Variants in LIG1 observed in about 807,000 individuals in gnomAD.
LIG1 encodes the protein DNA ligase 1.
LIG1 carries 70 observed loss-of-function variants against 115.7 expected under a neutral mutation model. That is an observed-to-expected ratio of 0.60 (90% CI 0.50 to 0.74). The LOEUF (loss-of-function observed/expected upper bound fraction) is 0.74. Ranked by LOEUF, LIG1 falls within the 30% of genes least tolerant of loss-of-function variation. The pLI is 0.00. For synonymous variants in LIG1, 487 were observed against 495.3 expected (o/e 0.98, Z 0.22); for missense variants, 1,115 against 1,225.6 (o/e 0.91, Z 1.35).
intron 24 of LIG1, among the ~76,000 whole-genome samples, chr19:48,119,992 TGA>T (rs1346380737): frequency 6.6e-6 from 1 of 152,246 alleles, no homozygotes; most frequent in Admixed American, 6.5e-5. Context: ...CCTTTTGCAT[TGA>T]GAGTCTTAAG....
At chr19:48,149,680 G>A in intron 9 of LIG1, 83 bp downstream of exon 9, 1 of 1,076,578 alleles carries the variant, frequency 9.3e-7, no homozygotes, top group Admixed American at 1.9e-5. Flanking sequence ...AGAGGAGGAA[G>A]CCTGAGCTGG....
At chr19:48,117,308 C>T (rs539772243) in intron 26 of LIG1, among the ~76,000 whole-genome samples, 3 of 150,930 alleles carry the variant, frequency 2.0e-5, no homozygotes, top group African/African-American at 4.9e-5. Flanking sequence ...TACAGGCACC[C>T]GCCATCACAC....
At chr19:48,121,862 C>G (rs1002997050) in intron 23 of LIG1, among the ~76,000 whole-genome samples, 1 of 152,178 alleles carries the variant, frequency 6.6e-6, no homozygotes, top group Admixed American at 6.5e-5. Flanking sequence ...GATGGGACCT[C>G]AGGAGTCAGC....
chr19:48,120,206 A>G (rs1480915620), intron 24 of LIG1: 8 of 985,482 alleles, frequency 8.1e-6, no homozygotes, highest in Non-Finnish European at 8.4e-6. Context: ...CCACACAGCC[A>G]CGGGGAGCTG....
chr19:48,135,557 G>T, intron 16 of LIG1, 123 bp downstream of exon 16: 1 of 811,916 alleles, frequency 1.2e-6, no homozygotes, highest in South Asian at 1.3e-5. Flanking sequence ...GTCACCCCGT[G>T]ACCGGCACTC....
chr19:48,150,258 A>C, intron 7 of LIG1, 48 bp from the exon 8 acceptor site: 1 of 1,609,868 alleles, frequency 6.2e-7, no homozygotes. Context: ...TGACCCTGAG[A>C]CTTTTTTTTT....
intron 22 of LIG1, 59 bp from the exon 23 acceptor site, chr19:48,123,075 G>A: frequency 6.2e-7 from 1 of 1,611,622 alleles, no homozygotes; most frequent in Non-Finnish European, 8.5e-7. Flanking sequence ...CGCCGGAGCA[G>A]GCAGGATTCT....
chr19:48,135,800 G>A (rs371733190), intron 15 of LIG1, 21 bp from the exon 16 acceptor site: 6 of 1,592,050 alleles, frequency 3.8e-6, no homozygotes, highest in Non-Finnish European at 5.2e-6. Flanking sequence ...ACCCACCAGA[G>A]GCTTTGGAAG....
At chr19:48,121,365 A>C in intron 23 of LIG1, 43 bp from the exon 24 acceptor site, 2 of 1,542,056 alleles carry the variant, frequency 1.3e-6, no homozygotes, top group Non-Finnish European at 1.8e-6. Context: ...GGAGCGCCCA[A>C]GGCGGGGCCC....
intron 20 of LIG1, 72 bp downstream of exon 20, chr19:48,127,838 A>T: frequency 7.9e-7 from 1 of 1,260,846 alleles, no homozygotes; most frequent in East Asian, 2.3e-5. Flanking sequence ...ACTGGGCAGG[A>T]CCCACAGCCA....
chr19:48,160,307 G>A (rs1316599984), intron 4 of LIG1, among the ~76,000 whole-genome samples: 1 of 152,212 alleles, frequency 6.6e-6, no homozygotes, highest in African/African-American at 2.4e-5. Flanking sequence ...AAGAAAGCAG[G>A]GGACTGAGCC....
intron 4 of LIG1, among the ~76,000 whole-genome samples, chr19:48,159,701 ACTTG>A (rs1431878407): frequency 6.7e-6 from 1 of 149,148 alleles, no homozygotes; most frequent in Non-Finnish European, 1.5e-5. Context: ...AGGCAATGCC[ACTTG>A]CTTATTTATT....
At chr19:48,120,672 A>T in intron 24 of LIG1, 1 of 581,010 alleles carries the variant, frequency 1.7e-6, no homozygotes, top group Non-Finnish European at 2.2e-6. Context: ...GAAGGTGTTC[A>T]CTGGCTGAGG....
chr19:48,137,550 C>T lies in LIG1; in HGVS notation c.1226G>A (p.Arg409His), dbSNP rs4987068. The change falls in exon 13 of 28, where the codon CGC becomes CAC. Residue 409 changes from arginine to histidine, a missense_variant. Transcript: ENST00000263274. The surrounding 1 kb of genome is among the most constrained non-coding windows in gnomAD (Gnocchi z 4.3). ...LTASGVFSKF[R>H]DIARLTGSAS... The stretch of plus-strand genomic sequence containing the variant: ...ACTGCCAGTGAGCCTGGCGATGTCG[C>T]GGAACTTGCTGAAGACCCCGGAGGC... 29,460 of 1,613,334 alleles carry T rather than the reference C, an allele frequency of 0.018. 318 individuals are homozygous for T. Among genetic ancestry groups the T allele is most frequent in the Non-Finnish European group, 0.022 (25,585 of 1,179,992 alleles).
intron 7 of LIG1, 47 bp from the exon 8 acceptor site, chr19:48,150,257 G>A: frequency 6.2e-7 from 1 of 1,613,072 alleles, no homozygotes; most frequent in Non-Finnish European, 8.5e-7. Context: ...TTGACCCTGA[G>A]ACTTTTTTTT....
chr19:48,127,814 C>T (rs918864984), intron 20 of LIG1, 96 bp downstream of exon 20: 15 of 997,496 alleles, frequency 1.5e-5, no homozygotes, highest in Non-Finnish European at 2.4e-5. Context: ...GACTGACACT[C>T]TGCCCTTCTG....
chr19:48,118,641 C>G (rs923452194), intron 25 of LIG1: 1 of 154,854 alleles, frequency 6.5e-6, no homozygotes, highest in Non-Finnish European at 1.4e-5. Context: ...TGGGTTCAAG[C>G]AATTCTTCTG....
At chr19:48,151,151 T>A in intron 7 of LIG1, 81 bp downstream of exon 7, 1 of 807,512 alleles carries the variant, frequency 1.2e-6, no homozygotes, top group Non-Finnish European at 2.1e-6. Flanking sequence ...CTATGCCTTG[T>A]TTAAATTAAT....
intron 1 of LIG1, among the ~76,000 whole-genome samples, chr19:48,166,493 CCTCAGGAGGGACAGA>C (rs111584814): frequency 0.096 from 14,561 of 152,156 alleles, 1,671 homozygotes; most frequent in African/African-American, 0.27. Context: ...AATGCTGTCG[CCTCAGGAGGGACAGA>C]CGCTGGAGGG....
Sources: gnomAD v4.1 joint callset for allele counts (sites outside exome capture counted in the v4.1 genomes callset) on GRCh38, gnomAD v4.1.1 for gene constraint, Gnocchi (gnomAD v3.1) non-coding constraint, MANE v1.5 for transcripts, NCBI Gene and HGNC (gene_info 2026-07-23, HGNC 2026-07-21) for gene names.